The following PPP2R5C variants were observed in gnomAD, a reference collection of about 807,000 sequenced individuals.
PPP2R5C encodes protein phosphatase 2 regulatory subunit B'gamma, also known as serine/threonine-protein phosphatase 2A 56 kDa regulatory subunit gamma isoform.
Under a neutral mutation model 68.9 loss-of-function variants are expected in PPP2R5C, and 7 were observed. The ratio of observed to expected loss-of-function variants is 0.10; its 90% CI spans 0.06 to 0.19. The LOEUF is 0.19. Among genes scored for constraint, PPP2R5C ranks in the 10% least tolerant of loss-of-function variants. The pLI is 1.00. For missense variants in PPP2R5C, 348 were observed against 641.3 expected, an observed-to-expected ratio of 0.54 and a Z score of 4.94; for synonymous variants, 210 against 222.2, an observed-to-expected ratio of 0.95 and a Z score of 0.49.
intron 3 of PPP2R5C, among the ~76,000 whole-genome samples, chr14:101,794,525 A>G (rs1378108887): frequency 1.3e-5 from 2 of 152,044 alleles, no homozygotes; most frequent in Non-Finnish European, 2.9e-5. Context: ...ACGCACCACC[A>G]TGCCTGGCTA....
intron 2 of PPP2R5C, among the ~76,000 whole-genome samples, chr14:101,857,951 T>C (rs2042522658): frequency 6.6e-6 from 1 of 152,228 alleles, no homozygotes. Flanking sequence ...GAAAGTAATG[T>C]TCTTCGTTGT....
upstream of PPP2R5C, among the ~76,000 whole-genome samples, chr14:101,805,102 CTGTT>C (rs1300213996): frequency 7.9e-5 from 12 of 152,064 alleles, no homozygotes; most frequent in African/African-American, 2.9e-4. Flanking sequence ...TTTTTAGGGT[CTGTT>C]TGTTTGAGAT....
At chr14:101,886,945 G>C (rs1042545479) in intron 5 of PPP2R5C, among the ~76,000 whole-genome samples, 3 of 152,126 alleles carry the variant, frequency 2.0e-5, no homozygotes, top group Non-Finnish European at 4.4e-5. Flanking sequence ...GTGTTGCCCA[G>C]GCTGGTCTCA....
chr14:101,875,727 T>A lies in PPP2R5C; in HGVS notation c.295-6434T>A, dbSNP rs578060010. ...ACTGCTACTACGATTTTTACTATTC[T>A]ACCTAAATTTTAGGTTAAGTTCATT... On this transcript the variant is annotated intron_variant, in intron 2 of 13. Coordinates refer to ENST00000334743, the Ensembl canonical transcript of PPP2R5C. Among the ~76,000 whole-genome samples the A allele has an allele frequency of 5.9e-5, 9 of 152,358 alleles. No individual in the cohort carries two copies. In the South Asian group the frequency reaches 1.9e-3, roughly 32 times the overall value.
intron 1 of PPP2R5C, among the ~76,000 whole-genome samples, chr14:101,837,180 G>A (rs1422840425): frequency 6.6e-6 from 1 of 152,158 alleles, no homozygotes; most frequent in Non-Finnish European, 1.5e-5. Context: ...TTTCACTCTT[G>A]TTGCCCAGGC....
rs540157331 is a variant in PPP2R5C at position 101,880,925 on chromosome 14, C to G, written c.295-1236C>G. Among the ~76,000 whole-genome samples, 4 of 152,214 alleles carry G rather than the reference C, an allele frequency of 2.6e-5. No individual in the cohort carries two copies. In the East Asian group the frequency reaches 7.7e-4, roughly 29 times the overall value. On this transcript the variant is annotated intron_variant, in intron 2 of 13. Transcript: ENST00000334743. ...TCTAGAAACATCTTCTCGTTGTTAT[C>G]GTAGAGTCAGATTTTAATCTTTTAT...
Position 101,797,105 on chromosome 14 carries a change from T to C in PPP2R5C, c.259+10922T>C, listed in dbSNP as rs1362373756. The C allele has an allele frequency of 4.4e-6, 2 of 453,956 alleles. No homozygotes were observed. Among genetic ancestry groups the C allele is most frequent in the African/African-American group, 4.0e-5 (2 of 49,998 alleles). The allele number at this position is 453,956 out of a possible 1,614,324, so 28.1% of individuals were successfully genotyped here. On this transcript the variant is annotated intron_variant, in intron 3 of 14. Transcript: ENST00000328724. The surrounding 1 kb of genome is among the most constrained non-coding windows in gnomAD (Gnocchi z 4.2). ...TAAGTGGCTGTCTCCCCATTCTGCT[T>C]TCTGTCTCTATGATTTTGCCCACAG...
intron 8 of PPP2R5C, among the ~76,000 whole-genome samples, chr14:101,895,867 A>G (rs1327133592): frequency 6.6e-6 from 1 of 152,094 alleles, no homozygotes; most frequent in East Asian, 1.9e-4. Context: ...TGGTAATTGT[A>G]TGTTTAGCTG....
chr14:101,886,890 C>T (rs139915071), intron 5 of PPP2R5C, among the ~76,000 whole-genome samples: 1,615 of 152,120 alleles, frequency 0.011, 12 homozygotes, highest in Non-Finnish European at 0.016. Context: ...CCACCACATG[C>T]GGCTAACTTT....
intron 9 of PPP2R5C, among the ~76,000 whole-genome samples, chr14:101,905,665 A>G (rs1202175611): frequency 6.6e-6 from 1 of 151,934 alleles, no homozygotes; most frequent in African/African-American, 2.4e-5. Flanking sequence ...CTCAAAAAAA[A>G]AAAAGAAAAG....
At chr14:101,925,225 G>A (rs756630275) in exon 14 of PPP2R5C, 4 of 1,613,848 alleles carry the variant, frequency 2.5e-6, no homozygotes, top group African/African-American at 1.3e-5. Flanking sequence ...GAAAGCCTTG[G>A]AAGCTCACTG....
At chr14:101,826,779 T>C (rs1430672196) in intron 1 of PPP2R5C, among the ~76,000 whole-genome samples, 1 of 152,130 alleles carries the variant, frequency 6.6e-6, no homozygotes, top group Non-Finnish European at 1.5e-5. Flanking sequence ...CAGTGCTCCC[T>C]GGAATCTGCC....
At chr14:101,919,730 G>C (rs1237919799) in intron 13 of PPP2R5C, among the ~76,000 whole-genome samples, 1 of 152,162 alleles carries the variant, frequency 6.6e-6, no homozygotes, top group African/African-American at 2.4e-5. Flanking sequence ...CACTTTGGGA[G>C]GCCGAGGCAG....
chr14:101,926,713 A>G, exon 14 of PPP2R5C: 1 of 152,280 alleles, frequency 6.6e-6, no homozygotes, highest in South Asian at 2.1e-4. Flanking sequence ...CTGTTTTTTC[A>G]TCGAGGTCTC....
intron 9 of PPP2R5C, among the ~76,000 whole-genome samples, chr14:101,902,533 GTGCAC>G (rs1002472744): frequency 1.3e-5 from 2 of 152,120 alleles, no homozygotes; most frequent in Non-Finnish European, 2.9e-5. Flanking sequence ...GGATTTTATT[GTGCAC>G]TCATCATGAA....
chr14:101,823,863 G>A, intron 1 of PPP2R5C: 3 of 1,240,998 alleles, frequency 2.4e-6, no homozygotes, highest in Non-Finnish European at 3.1e-6. Context: ...GGTGTAGAGT[G>A]CAGTGCAGCT....
At chr14:101,817,231 C>T (rs978699731) in intron 1 of PPP2R5C, among the ~76,000 whole-genome samples, 3 of 152,018 alleles carry the variant, frequency 2.0e-5, no homozygotes, top group Non-Finnish European at 4.4e-5. Flanking sequence ...GCTGGGATTA[C>T]AGGCGTGAGC....
rs1205831553 is a variant in PPP2R5C, at chr14:101,835,568, C to G, written c.95-21118C>G. Reference sequence around the variant, plus strand: ...CCCATGTCAAATTTGTATTAGGAACCATTGATTTCAATTCACGGGCTTTTT... The same window carrying G: ...CCCATGTCAAATTTGTATTAGGAACGATTGATTTCAATTCACGGGCTTTTT... On this transcript the variant is annotated intron_variant, in intron 1 of 13. Coordinates refer to ENST00000334743, the Ensembl canonical transcript of PPP2R5C. This position sits in a 1 kb window ranked among gnomAD's most constrained non-coding sequence, Gnocchi z 5.0. Among the ~76,000 whole-genome samples, 2 of 152,194 alleles carry G rather than the reference C, an allele frequency of 1.3e-5. No individual in the cohort carries two copies. The highest frequency in any genetic ancestry group is 2.9e-5 in the Non-Finnish European group (2 of 68,034).
At chr14:101,912,758 G>A (rs2141120395) in intron 12 of PPP2R5C, 1 of 332,990 alleles carries the variant, frequency 3.0e-6, no homozygotes, top group Non-Finnish European at 5.0e-6. Context: ...AATACAGCCT[G>A]AGACTGTGCC....
Sources: allele counts gnomAD v4.1 joint callset (sites outside exome capture counted in the v4.1 genomes callset), GRCh38; gene constraint gnomAD v4.1.1; non-coding constraint Gnocchi (gnomAD v3.1); transcripts MANE v1.5; gene names NCBI Gene and HGNC (gene_info 2026-07-23, HGNC 2026-07-21).